Variants in CRYZ observed in about 807,000 individuals in gnomAD.
CRYZ encodes the protein crystallin zeta, also known as zeta-crystallin.
A neutral mutation model predicts 34.1 loss-of-function variants in CRYZ; 35 were observed. The observed-to-expected ratio is 1.03, with a 90% CI of 0.78 to 1.36. CRYZ has a LOEUF of 1.36. Among genes scored for constraint, CRYZ ranks in the 40% most tolerant of loss-of-function variants. The probability of loss-of-function intolerance (pLI) is 0.00; values close to 1 mark genes in which losing one functional copy is unlikely to be tolerated. For missense variants in CRYZ, 403 were observed against 391.8 expected (o/e 1.03, Z -0.24); for synonymous variants, 137 against 136.5 (o/e 1.00, Z -0.03).
intron 4 of CRYZ, among the ~76,000 whole-genome samples, chr1:74,716,926 T>C (rs1404136362): frequency 6.6e-6 from 1 of 152,156 alleles, no homozygotes; most frequent in African/African-American, 2.4e-5. Flanking sequence ...TGGCTAAGTA[T>C]TACAGAAAAA....
rs1293902280 is a variant in CRYZ, at chr1:74,724,803, A to T, written c.19T>A (p.Leu7Met). The T allele has an allele frequency of 6.2e-7, 1 of 1,611,006 alleles. No homozygotes were observed. The highest frequency in any genetic ancestry group is 1.7e-5 in the Admixed American group (1 of 59,184). Residue 7 changes from leucine to methionine, a missense_variant, in exon 2 of 9, where the codon TTG (leucine) becomes ATG (methionine). Coordinates refer to ENST00000340866, the MANE Select transcript of CRYZ (RefSeq NM_001889.4). Reference protein sequence around the residue: MATGQKLMRAVRVFEFG... With the variant: MATGQKMMRAVRVFEFG... Reference sequence around the variant, plus strand: ...TCAAAAACTCTAACAGCTCTCATCAACTTCTGTCCAGTCGCCATGGTGATC... The same window carrying T: ...TCAAAAACTCTAACAGCTCTCATCATCTTCTGTCCAGTCGCCATGGTGATC...
At chr1:74,718,415 C>A (rs1382433720) in intron 4 of CRYZ, among the ~76,000 whole-genome samples, 2 of 152,072 alleles carry the variant, frequency 1.3e-5, no homozygotes, top group Non-Finnish European at 2.9e-5. Flanking sequence ...TTCATTACTT[C>A]CAGTCCTTTA....
Position 74,721,870 on chromosome 1 carries a change from C to G in CRYZ, c.264+1248G>C, listed in dbSNP as rs558141958. Among the ~76,000 whole-genome samples, 8 of 152,286 alleles carry G rather than the reference C, an allele frequency of 5.3e-5. No individual in the cohort carries two copies. In the South Asian group the frequency reaches 1.2e-3, roughly 24 times the overall value. On this transcript the variant is annotated intron_variant, in intron 3 of 8. Coordinates refer to ENST00000340866, the MANE Select transcript of CRYZ (RefSeq NM_001889.4). Reference sequence around the variant, plus strand: ...ATGGAAATGGTCACATCTGCACTGTCCAGCAGGATAGCCACTGGACACGGG... The same window carrying G: ...ATGGAAATGGTCACATCTGCACTGTGCAGCAGGATAGCCACTGGACACGGG...
intron 5 of CRYZ, among the ~76,000 whole-genome samples, chr1:74,713,018 C>T (rs1403692357): frequency 6.6e-6 from 1 of 151,878 alleles, no homozygotes; most frequent in Non-Finnish European, 1.5e-5. Flanking sequence ...CAACATAATC[C>T]CAAAGGAATT....
rs370325792 is a variant in CRYZ, at chr1:74,710,092, T to C, written c.630+6A>G. ...TTGACTTTTGTAAAACAGTGGAAAA[T>C]TTTACCTTAATTTTATCAATGTAAT... On this transcript the variant is annotated splice_donor_region_variant and intron_variant, in intron 6 of 8. Coordinates refer to ENST00000340866, the MANE Select transcript of CRYZ (RefSeq NM_001889.4). 4.1e-5 allele frequency: 66 copies of C among 1,610,162 alleles called. 1 individual carries two copies. In the South Asian group the frequency reaches 6.0e-4, roughly 15 times the overall value.
At chr1:74,721,283 G>C (rs576800199) in intron 3 of CRYZ, among the ~76,000 whole-genome samples, 1 of 152,094 alleles carries the variant, frequency 6.6e-6, no homozygotes, top group South Asian at 2.1e-4. Context: ...GAACCAATAT[G>C]AACAAAAACA....
chr1:74,728,206 G>A (rs1407152794), intron 1 of CRYZ, among the ~76,000 whole-genome samples: 1 of 152,066 alleles, frequency 6.6e-6, no homozygotes, highest in Non-Finnish European at 1.5e-5. Flanking sequence ...AACAAAAGGG[G>A]AAAAACATCA....
At chr1:74,711,221 A>G (rs1462934572) in intron 5 of CRYZ, among the ~76,000 whole-genome samples, 1 of 152,200 alleles carries the variant, frequency 6.6e-6, no homozygotes, top group African/African-American at 2.4e-5. Context: ...GCTTCCGAGT[A>G]TATTAAAACC....
At chr1:74,717,047 A>G (rs1400720415) in intron 4 of CRYZ, among the ~76,000 whole-genome samples, 1 of 152,118 alleles carries the variant, frequency 6.6e-6, no homozygotes, top group Non-Finnish European at 1.5e-5. Context: ...AGTACCTTCA[A>G]CACTCCATCT....
intron 4 of CRYZ, among the ~76,000 whole-genome samples, chr1:74,715,113 G>A (rs1647054494): frequency 6.6e-6 from 1 of 152,146 alleles, no homozygotes; most frequent in South Asian, 2.1e-4. Flanking sequence ...TCTTCTCCAT[G>A]TCTCTGAACA....
rs1195291267 is a variant in CRYZ, at chr1:74,707,170, A to G, written c.665T>C (p.Ile222Thr). 1 of 1,580,710 alleles carries G rather than the reference A, an allele frequency of 6.3e-7. No homozygotes were observed. The highest frequency in any genetic ancestry group is 8.6e-7 in the Non-Finnish European group (1 of 1,157,804). The change falls in exon 7 of 9, where the codon ATT (isoleucine) becomes ACT (threonine). Residue 222 changes from isoleucine to threonine, a missense_variant. Physicochemically the swap from Ile to Thr is moderately conservative, Grantham distance 89. Coordinates refer to ENST00000340866, the MANE Select transcript of CRYZ (RefSeq NM_001889.4). ...AAGATTTACATTAGCTAACATTTCA[A>G]TAATTATATCAATTCCTTTCTCACC... is the stretch of plus-strand genomic sequence containing the variant. ...YVGEKGIDII[I>T]EMLANVNLSK...
chr1:74,717,287 TCTTC>T (rs1647090996), intron 4 of CRYZ, among the ~76,000 whole-genome samples: 1 of 152,206 alleles, frequency 6.6e-6, no homozygotes, highest in Non-Finnish European at 1.5e-5. Flanking sequence ...TTCTACTCTC[TCTTC>T]CTTGTCTCCC....
At chr1:74,731,403 A>C (rs1285414374) in intron 1 of CRYZ, among the ~76,000 whole-genome samples, 1 of 152,196 alleles carries the variant, frequency 6.6e-6, no homozygotes, top group Non-Finnish European at 1.5e-5. Context: ...AAAACTGAAA[A>C]CTTAGAAAAA....
At chr1:74,728,241 T>C (rs1408552111) in intron 1 of CRYZ, among the ~76,000 whole-genome samples, 1 of 152,214 alleles carries the variant, frequency 6.6e-6, no homozygotes, top group African/African-American at 2.4e-5. Context: ...GTGCACCATA[T>C]GCAATCTTTT....
intron 4 of CRYZ, among the ~76,000 whole-genome samples, chr1:74,717,181 C>T (rs1647088988): frequency 6.6e-6 from 1 of 152,028 alleles, no homozygotes; most frequent in African/African-American, 2.4e-5. Flanking sequence ...TCCATCTTGC[C>T]TTATGCAGAT....
Position 74,723,150 on chromosome 1 carries a change from C to T in CRYZ, c.232G>A (p.Glu78Lys). The part of the protein sequence containing the change: ...TPGSDVAGVI[E>K]AVGDNASAFK... ...GCAGATGCATTATCTCCAACAGCTT[C>T]TATCACCCCAGCCACATCTGAGCCA... The change falls in exon 3 of 9, where the codon GAA (glutamate) becomes AAA (lysine). Residue 78 changes from glutamate to lysine, a missense_variant. Physicochemically the swap from Glu to Lys is moderately conservative, Grantham distance 56. Transcript: ENST00000340866. The T allele has an allele frequency of 6.2e-7, 1 of 1,613,576 alleles. No individual in the cohort carries two copies. Among genetic ancestry groups the T allele is most frequent in the East Asian group, 2.2e-5 (1 of 44,880 alleles).
intron 1 of CRYZ, 28 bp downstream of exon 1, chr1:74,732,928 A>G (rs1647927805): frequency 2.9e-6 from 1 of 349,814 alleles, no homozygotes; most frequent in Admixed American, 4.5e-5. Context: ...TGTCTAAACA[A>G]CTAAGGAGAG....
intron 6 of CRYZ, 57 bp from the exon 7 acceptor site, chr1:74,707,261 C>A: frequency 1.1e-6 from 1 of 908,460 alleles, no homozygotes; most frequent in East Asian, 2.4e-5. Flanking sequence ...TGTAAAATAG[C>A]TACTATCTGT....
intron 5 of CRYZ, among the ~76,000 whole-genome samples, chr1:74,711,123 G>A (rs755023622): frequency 4.6e-5 from 7 of 152,194 alleles, no homozygotes; most frequent in African/African-American, 7.2e-5. Context: ...AAGAGGGGCA[G>A]TGTGTCTCAG....
Sources: gnomAD v4.1 joint callset for allele counts (sites outside exome capture counted in the v4.1 genomes callset) on GRCh38, gnomAD v4.1.1 for gene constraint, MANE v1.5 for transcripts, NCBI Gene and HGNC (gene_info 2026-07-23, HGNC 2026-07-21) for gene names.